CLRN1: variants seen among roughly 807,000 people sequenced by gnomAD.
CLRN1 encodes the protein clarin-1.
Under a neutral mutation model 18.7 loss-of-function variants are expected in CLRN1, and 15 were observed. The ratio of observed to expected loss-of-function variants is 0.80; its 90% CI spans 0.54 to 1.23. CLRN1 has a LOEUF of 1.23. Among genes scored for constraint, CLRN1 ranks in the 50% most tolerant of loss-of-function variants. The pLI is 0.00. For synonymous variants in CLRN1, 104 were observed against 102.9 expected (o/e 1.01, Z -0.07); for missense variants, 311 against 277.5 (o/e 1.12, Z -0.86).
Position 150,972,588 on chromosome 3 carries a change from T to C in CLRN1, c.121A>G (p.Lys41Glu). The C allele has an allele frequency of 6.2e-7, 1 of 1,614,252 alleles. No homozygotes were observed. The highest frequency in any genetic ancestry group is 8.5e-7 in the Non-Finnish European group (1 of 1,180,050). ...GCATTGACGAGCAGAGCTCCCGTTT[T>C]GCAGAGGACAGTGGCTTTGATCCAC... is the stretch of plus-strand genomic sequence containing the variant. The part of the protein sequence containing the change: ...PLWIKATVLC[K>E]TGALLVNASG... Residue 41 changes from lysine (K) to glutamate (E), a missense_variant, in exon 1 of 3, where the codon AAA (lysine) becomes GAA (glutamate). Physicochemically the swap from Lys to Glu is moderately conservative, Grantham distance 56. Coordinates refer to ENST00000327047, the MANE Select transcript of CLRN1 (RefSeq NM_174878.3).
At chr3:150,972,896 A>G (rs1430713006), upstream of CLRN1, 3 of 764,182 alleles carry the variant, frequency 3.9e-6, no homozygotes, top group Non-Finnish European at 6.7e-6. Context: ...ATCATCACTC[A>G]TACTTGGCTT....
intron 1 of CLRN1, among the ~76,000 whole-genome samples, chr3:150,960,093 T>G (rs1714953028): frequency 6.6e-6 from 1 of 152,172 alleles, no homozygotes; most frequent in Admixed American, 6.5e-5. Context: ...AAGTTTAAAA[T>G]TCATCTGGTT....
intron 1 of CLRN1, among the ~76,000 whole-genome samples, chr3:150,947,565 C>T (rs1714242706): frequency 6.6e-6 from 1 of 152,158 alleles, no homozygotes; most frequent in African/African-American, 2.4e-5. Flanking sequence ...TAATAGACCT[C>T]TACAGAACTC....
intron 1 of CLRN1, among the ~76,000 whole-genome samples, chr3:150,955,675 T>C (rs1333082661): frequency 1.3e-5 from 2 of 152,170 alleles, no homozygotes; most frequent in Non-Finnish European, 2.9e-5. Context: ...AGATGTAAAG[T>C]TCCAGATTTG....
At chr3:150,939,005 G>A (rs930589480) in intron 2 of CLRN1, among the ~76,000 whole-genome samples, 6 of 152,168 alleles carry the variant, frequency 3.9e-5, no homozygotes, top group African/African-American at 9.7e-5. Context: ...TTCCAAGTGC[G>A]CTGTTCTTCA....
At position 150,930,723 on chromosome 3, in the gene CLRN1, G is replaced by A. The variant is rs139570724; in HGVS notation, c.434-2522C>T. Among the ~76,000 whole-genome samples, 16 of 152,308 alleles carry A rather than the reference G, an allele frequency of 1.1e-4. No homozygotes were observed. In the East Asian group the frequency reaches 3.1e-3, roughly 29 times the overall value. On this transcript the variant is annotated intron_variant, in intron 2 of 2. Transcript: ENST00000327047. ...AGAGCCTTCTTTGTCTGAGGAGATG[G>A]TGAATTTCAGACAGAAGTGAAACAT...
intron 2 of CLRN1, among the ~76,000 whole-genome samples, chr3:150,933,374 T>A (rs1713272184): frequency 6.6e-6 from 1 of 151,600 alleles, no homozygotes. Context: ...AGAGGGGGGA[T>A]AGGAAGGCTG....
chr3:150,958,988 A>G (rs1263603074), intron 1 of CLRN1, among the ~76,000 whole-genome samples: 2 of 152,230 alleles, frequency 1.3e-5, no homozygotes, highest in Non-Finnish European at 2.9e-5. Context: ...ATGAAGCTCC[A>G]GCCAATCTCC....
intron 2 of CLRN1, among the ~76,000 whole-genome samples, chr3:150,933,230 A>G (rs1037342967): frequency 1.3e-5 from 2 of 152,196 alleles, no homozygotes; most frequent in Non-Finnish European, 2.9e-5. Flanking sequence ...TAAATGAAAC[A>G]GGTACAAATC....
chr3:150,941,135 T>TCTAC (rs1328657964), intron 2 of CLRN1, among the ~76,000 whole-genome samples: 2 of 17,592 alleles, frequency 1.1e-4, no homozygotes, highest in African/African-American at 1.7e-4. Context: ...TGTCTGTCTG[T>TCTAC]CTGTCTATCT....
intron 2 of CLRN1, chr3:150,941,318 A>G: frequency 2.9e-6 from 1 of 350,074 alleles, no homozygotes; most frequent in Non-Finnish European, 5.3e-6. Flanking sequence ...ACTTTTTGAG[A>G]CAAGCGTTTA....
In CLRN1 at chr3:150,972,486, C is replaced by T; in HGVS notation, c.223G>A (p.Gly75Arg). 6.2e-7 allele frequency: 1 copy of T among 1,614,158 alleles called. No individual in the cohort carries two copies. Among genetic ancestry groups the T allele is most frequent in the Non-Finnish European group, 8.5e-7 (1 of 1,180,042 alleles). ...AACCGAAAGGGCCTTGCTCCCAACC[C>T]ACACTGCCTCACACCCTCTCCGTGG... ...LFHGEGVRQCGLGARPFRFSF... is the reference protein window; with the variant it reads ...LFHGEGVRQCRLGARPFRFSF... Residue 75 changes from glycine (G) to arginine (R), a missense_variant, in exon 1 of 3, where the codon GGG (glycine) becomes AGG (arginine). Coordinates refer to ENST00000327047, the MANE Select transcript of CLRN1 (RefSeq NM_174878.3).
chr3:150,971,137 C>T (rs896342459), intron 1 of CLRN1, among the ~76,000 whole-genome samples: 1 of 152,154 alleles, frequency 6.6e-6, no homozygotes, highest in Non-Finnish European at 1.5e-5. Context: ...TCTCTCTCAA[C>T]TTTTTTCCTT....
intron 1 of CLRN1, among the ~76,000 whole-genome samples, chr3:150,943,532 TCTG>T (rs1305582988): frequency 6.6e-6 from 1 of 152,202 alleles, no homozygotes; most frequent in Non-Finnish European, 1.5e-5. Flanking sequence ...AGCTTCTCTC[TCTG>T]CTGAGAGCCA....
chr3:150,970,772 C>G (rs1247024154), intron 1 of CLRN1, among the ~76,000 whole-genome samples: 1 of 152,086 alleles, frequency 6.6e-6, no homozygotes, highest in African/African-American at 2.4e-5. Context: ...ACCAGTTCTG[C>G]AAGTCCTCAC....
At chr3:150,944,236 A>T (rs1455262322) in intron 1 of CLRN1, 5 of 317,014 alleles carry the variant, frequency 1.6e-5, no homozygotes, top group Non-Finnish European at 3.1e-5. Context: ...GTGGGGAGGC[A>T]GAAGTGGGAT....
intron 1 of CLRN1, chr3:150,945,429 G>T: frequency 9.2e-7 from 1 of 1,085,126 alleles, no homozygotes; most frequent in Non-Finnish European, 1.2e-6. Context: ...CTCTACTCCT[G>T]ACCACATGCT....
At chr3:150,972,168 T>A (rs767626001) in intron 1 of CLRN1, among the ~76,000 whole-genome samples, 5 of 152,182 alleles carry the variant, frequency 3.3e-5, no homozygotes, top group Non-Finnish European at 5.9e-5. Flanking sequence ...TTAAAAAGAC[T>A]CCATAATTTT....
chr3:150,934,594 A>G (rs1713345805), intron 2 of CLRN1, among the ~76,000 whole-genome samples: 1 of 152,102 alleles, frequency 6.6e-6, no homozygotes, highest in Admixed American at 6.6e-5. Context: ...ATGTTCTACC[A>G]CTGATCCATG....
Sources: gnomAD v4.1 joint callset for allele counts (sites outside exome capture counted in the v4.1 genomes callset) on GRCh38, gnomAD v4.1.1 for gene constraint, MANE v1.5 for transcripts, NCBI Gene and HGNC (gene_info 2026-07-23, HGNC 2026-07-21) for gene names.